CAMKK1: variants seen among roughly 807,000 people sequenced by gnomAD.
CAMKK1 encodes calcium/calmodulin-dependent protein kinase kinase 1.
A neutral mutation model predicts 63.5 loss-of-function variants in CAMKK1; 20 were observed. The observed-to-expected ratio is 0.32, with a 90% CI of 0.22 to 0.46. The LOEUF (loss-of-function observed/expected upper bound fraction) is 0.46, where lower values mean the gene tolerates loss of function less well. Among genes scored for constraint, CAMKK1 ranks in the 20% least tolerant of loss-of-function variants. The pLI, the probability that CAMKK1 is intolerant of heterozygous loss-of-function variation, is 1.00. For missense variants in CAMKK1, 588 were observed against 658.1 expected (o/e 0.89, Z 1.17); for synonymous variants, 253 against 269.0 (o/e 0.94, Z 0.58).
chr17:3,865,776 C>G, intron 15 of CAMKK1, 132 bp downstream of exon 15: 8 of 1,481,006 alleles, frequency 5.4e-6, no homozygotes, highest in Non-Finnish European at 7.2e-6. Flanking sequence ...CAAATGGGGC[C>G]AACACCGAGA....
At chr17:3,867,721 G>A (rs944568087) in intron 14 of CAMKK1, among the ~76,000 whole-genome samples, 2 of 152,142 alleles carry the variant, frequency 1.3e-5, no homozygotes, top group Admixed American at 6.6e-5. Flanking sequence ...TGCAGAGGGG[G>A]ATAAAGTGCA....
rs577240423 is a variant in CAMKK1, at chr17:3,892,272, C to T, written c.-44+667G>A. Among the ~76,000 whole-genome samples the T allele has an allele frequency of 6.6e-6, 1 of 152,178 alleles. No individual in the cohort carries two copies. The highest frequency in any genetic ancestry group is 2.1e-4 in the South Asian group (1 of 4,824). On this transcript the variant is annotated intron_variant, in intron 1 of 15. Coordinates refer to ENST00000348335, the MANE Select transcript of CAMKK1 (RefSeq NM_032294.3). The surrounding 1 kb of genome is among the most constrained non-coding windows in gnomAD (Gnocchi z 7.5). Reference sequence around the variant, plus strand: ...CCCTCACACACCACTCCATCCTGTCCTGCACCCCCCACGCAGACACAGGCA... The same window carrying T: ...CCCTCACACACCACTCCATCCTGTCTTGCACCCCCCACGCAGACACAGGCA...
At chr17:3,875,214 A>T (rs61243395) in intron 10 of CAMKK1, among the ~76,000 whole-genome samples, 5,766 of 152,282 alleles carry the variant, frequency 0.038, 366 homozygotes, top group African/African-American at 0.13. Flanking sequence ...TCTTTGTACT[A>T]TTCTTCCAAC....
At position 3,883,274 on chromosome 17, in the gene CAMKK1, C is replaced by G. The variant is rs75458039; in HGVS notation, c.515-99G>C. The G allele has an allele frequency of 1.6e-3, 2,511 of 1,539,854 alleles. 35 individuals carry two copies. The African/African-American group carries it at 0.028, about 17-fold the overall frequency. On this transcript the variant is annotated intron_variant, in intron 5 of 15. Coordinates refer to ENST00000348335, the MANE Select transcript of CAMKK1 (RefSeq NM_032294.3). The surrounding 1 kb of genome is among the most constrained non-coding windows in gnomAD (Gnocchi z 4.7). ...AGCAAGAGTCTTGCATGCCCGTGGT[C>G]TTGTCCCAACCCACAGGGCACATTC... is the stretch of plus-strand genomic sequence containing the variant.
chr17:3,873,798 G>A (rs1438124985), intron 10 of CAMKK1, among the ~76,000 whole-genome samples: 4 of 152,102 alleles, frequency 2.6e-5, no homozygotes. Context: ...CAGGAATGAT[G>A]GTATATATGG....
In CAMKK1 at chr17:3,880,440, G is replaced by A; in HGVS notation, c.708-6C>T. The stretch of plus-strand genomic sequence containing the variant: ...AGGGCACTTCCATGACGGGCCTATG[G>A]AGAAGGATGCGGGGAGGGGCATTCA... On this transcript the variant is annotated splice_polypyrimidine_tract_variant and splice_region_variant and intron_variant, in intron 8 of 15. Coordinates refer to ENST00000348335, the MANE Select transcript of CAMKK1 (RefSeq NM_032294.3). 1.2e-6 allele frequency: 2 copies of A among 1,612,542 alleles called. No homozygotes were observed. Among genetic ancestry groups the A allele is most frequent in the Non-Finnish European group, 1.7e-6 (2 of 1,179,230 alleles).
At chr17:3,871,376 A>C in intron 12 of CAMKK1, among the ~76,000 whole-genome samples, 1 of 93,086 alleles carries the variant, frequency 1.1e-5, no homozygotes, top group African/African-American at 4.1e-5. Context: ...TTTTTTTGAG[A>C]CAGAGTCTCG....
intron 14 of CAMKK1, among the ~76,000 whole-genome samples, chr17:3,868,773 C>A (rs1356686923): frequency 6.6e-6 from 1 of 151,982 alleles, no homozygotes; most frequent in African/African-American, 2.4e-5. Flanking sequence ...CTGCCTCGGC[C>A]TCCCCAGTAG....
At chr17:3,876,749 T>G (rs1250820057) in intron 9 of CAMKK1, among the ~76,000 whole-genome samples, 8 of 138,066 alleles carry the variant, frequency 5.8e-5, no homozygotes, top group Non-Finnish European at 1.0e-4. Flanking sequence ...TTGCTGTTTT[T>G]TTTTTTGGTT....
chr17:3,893,052 G>C lies in CAMKK1; in HGVS notation c.-157C>G, dbSNP rs1009344518. 3 of 147,294 alleles carry C rather than the reference G, an allele frequency of 2.0e-5. No individual in the cohort carries two copies. Among genetic ancestry groups the C allele is most frequent in the African/African-American group, 7.4e-5 (3 of 40,660 alleles). The allele number at this position is 147,294 out of a possible 1,614,324, so 9.1% of individuals were successfully genotyped here. On this transcript the variant is annotated 5_prime_UTR_variant, in exon 1 of 16. Coordinates refer to ENST00000348335, the MANE Select transcript of CAMKK1 (RefSeq NM_032294.3). The surrounding 1 kb of genome is among the most constrained non-coding windows in gnomAD (Gnocchi z 4.6). Reference sequence around the variant, plus strand: ...GCCTCGCTGGGGCCCAGATCGCCGAGCTCAGCCCGCGGGCGCCGCGGCTCC... The same window carrying C: ...GCCTCGCTGGGGCCCAGATCGCCGACCTCAGCCCGCGGGCGCCGCGGCTCC...
In CAMKK1 at chr17:3,869,007, G is replaced by C. The variant is rs533953966; in HGVS notation, c.1341+480C>G. Reference sequence around the variant, plus strand: ...TTTTTGAGACGCAGTCTCGCTCTGTGGCCCAGGCTGGAGTGCAGTGGCGCG... The same window carrying C: ...TTTTTGAGACGCAGTCTCGCTCTGTCGCCCAGGCTGGAGTGCAGTGGCGCG... On this transcript the variant is annotated intron_variant, in intron 14 of 15. Transcript: ENST00000348335. Among the ~76,000 whole-genome samples, 614 of 135,358 alleles carry C rather than the reference G, an allele frequency of 4.5e-3. 2 individuals carry two copies. Among genetic ancestry groups the C allele is most frequent in the Non-Finnish European group, 7.5e-3 (475 of 63,436 alleles). 88.8% of individuals were successfully genotyped at this position (135,358 alleles called of 152,430 possible).
In CAMKK1 at chr17:3,882,007, C is replaced by T. The variant is rs1027658771; in HGVS notation, c.686-359G>A. The T allele has an allele frequency of 1.7e-5, 9 of 526,278 alleles. No homozygotes were observed. The Admixed American group carries it at 2.5e-4, about 14-fold the overall frequency. The allele number at this position is 526,278 out of a possible 1,614,324, so 32.6% of individuals were successfully genotyped here. A position where few individuals can be genotyped will look rare whatever the true frequency, so the allele number is the denominator to read the frequency against. Reference sequence around the variant, plus strand: ...AAGCCTCAGCCTCTAATTCCTAAGCCAGTTCTTCTTCTGCCCCATTTTCTG... The same window carrying T: ...AAGCCTCAGCCTCTAATTCCTAAGCTAGTTCTTCTTCTGCCCCATTTTCTG... On this transcript the variant is annotated intron_variant, in intron 7 of 15. Coordinates refer to ENST00000348335, the MANE Select transcript of CAMKK1 (RefSeq NM_032294.3). The surrounding 1 kb of genome is among the most constrained non-coding windows in gnomAD (Gnocchi z 4.3).
At chr17:3,886,551 G>A (rs1425042769) in intron 1 of CAMKK1, among the ~76,000 whole-genome samples, 1 of 152,152 alleles carries the variant, frequency 6.6e-6, no homozygotes, top group Non-Finnish European at 1.5e-5. Context: ...AGAATCGTGT[G>A]AACTTGGGAG....
Position 3,883,358 on chromosome 17 carries a change from G to T in CAMKK1, c.514+71C>A. ...TCTACCCCATTCCTAGCCAAAACTAGCTCAGGATCGAGGTCTCCTCCTCTG... is the reference window on the plus strand; with the variant it reads ...TCTACCCCATTCCTAGCCAAAACTATCTCAGGATCGAGGTCTCCTCCTCTG... On this transcript the variant is annotated intron_variant, in intron 5 of 15. Coordinates refer to ENST00000348335, the MANE Select transcript of CAMKK1 (RefSeq NM_032294.3). The surrounding 1 kb of genome is among the most constrained non-coding windows in gnomAD (Gnocchi z 4.7). 6.6e-7 allele frequency: 1 copy of T among 1,523,302 alleles called. No individual in the cohort carries two copies. Among genetic ancestry groups the T allele is most frequent in the Non-Finnish European group, 9.1e-7 (1 of 1,098,078 alleles). The allele number at this position is 1,523,302 out of a possible 1,614,324, so 94.4% of individuals were successfully genotyped here.
intron 12 of CAMKK1, among the ~76,000 whole-genome samples, chr17:3,871,347 GT>G (rs869219931): frequency 0.039 from 4,089 of 103,654 alleles, 77 homozygotes; most frequent in African/African-American, 0.083. Context: ...TTTTTTTTTT[GT>G]TTTTTTTTTT....
In CAMKK1 at chr17:3,889,450, C is replaced by G. The variant is rs2055803947; in HGVS notation, c.-44+3489G>C. 6.6e-6 allele frequency among the ~76,000 whole-genome samples: 1 copy of G among 152,094 alleles called. No homozygotes were observed. Among genetic ancestry groups the G allele is most frequent in the Non-Finnish European group, 1.5e-5 (1 of 68,006 alleles). ...GGGAAAAACTACTGCAATCCTGTCC[C>G]CCCAGACTGGGGATCTGCTGCCTCG... On this transcript the variant is annotated intron_variant, in intron 1 of 15. Coordinates refer to ENST00000348335, the MANE Select transcript of CAMKK1 (RefSeq NM_032294.3). This position sits in a 1 kb window ranked among gnomAD's most constrained non-coding sequence, Gnocchi z 5.2.
chr17:3,865,804 G>T, intron 15 of CAMKK1, 104 bp downstream of exon 15: 2 of 1,548,858 alleles, frequency 1.3e-6, no homozygotes, highest in Non-Finnish European at 1.7e-6. Flanking sequence ...AAGTCCCCAG[G>T]CTCTGGCCTT....
chr17:3,885,755 T>C (rs750365377), intron 1 of CAMKK1, 25 bp from the exon 2 acceptor site: 3 of 1,586,814 alleles, frequency 1.9e-6, no homozygotes, highest in Non-Finnish European at 2.6e-6. Flanking sequence ...CAGAGAAGGC[T>C]TCACTCCTGG....
chr17:3,884,006 G>T lies in CAMKK1; in HGVS notation c.409-69C>A. The T allele has an allele frequency of 6.7e-7, 1 of 1,493,694 alleles. No individual in the cohort carries two copies. Among genetic ancestry groups the T allele is most frequent in the Non-Finnish European group, 9.3e-7 (1 of 1,077,666 alleles). The allele number at this position is 1,493,694 out of a possible 1,614,324, so 92.5% of individuals were successfully genotyped here. ...CTCCCAGGACCAGCTCAGGAGGTGGGGAGCCGAGCAGCTCTGGTCTCTCCT... is the reference window on the plus strand; with the variant it reads ...CTCCCAGGACCAGCTCAGGAGGTGGTGAGCCGAGCAGCTCTGGTCTCTCCT... On this transcript the variant is annotated intron_variant, in intron 3 of 15. Coordinates refer to ENST00000348335, the MANE Select transcript of CAMKK1 (RefSeq NM_032294.3). This position sits in a 1 kb window ranked among gnomAD's most constrained non-coding sequence, Gnocchi z 4.5.
Sources: allele counts gnomAD v4.1 joint callset (sites outside exome capture counted in the v4.1 genomes callset), GRCh38; gene constraint gnomAD v4.1.1; non-coding constraint Gnocchi (gnomAD v3.1); transcripts MANE v1.5; gene names NCBI Gene and HGNC (gene_info 2026-07-23, HGNC 2026-07-21).